Variants in ENTREP2 observed in about 807,000 individuals in gnomAD.
ENTREP2 encodes the protein protein ENTREP2.
At chr15:29,557,381 T>C in the ENTREP2 span, among the ~76,000 whole-genome samples, 6 of 152,156 alleles carry the variant, frequency 3.9e-5, no homozygotes, top group Admixed American at 6.5e-5. Context: ...CTGCTCCACC[T>C]CATTCCCAGG....
chr15:29,370,621 A>G, the ENTREP2 span, among the ~76,000 whole-genome samples: 1 of 152,074 alleles, frequency 6.6e-6, no homozygotes, highest in Admixed American at 6.6e-5. Flanking sequence ...TCCTGGCTGC[A>G]TATTGAAATG....
chr15:29,370,261 T>A, the ENTREP2 span, among the ~76,000 whole-genome samples: 1 of 152,214 alleles, frequency 6.6e-6, no homozygotes, highest in Non-Finnish European at 1.5e-5. Flanking sequence ...CTAGAGTTTG[T>A]CAGTAAAAAG....
At chr15:29,321,376 G>A in the ENTREP2 span, among the ~76,000 whole-genome samples, 22 of 152,228 alleles carry the variant, frequency 1.4e-4, no homozygotes, top group African/African-American at 4.3e-4. Flanking sequence ...GAGGCTGGGC[G>A]CGGTGGCTCA....
chr15:29,546,905 A>C, the ENTREP2 span, among the ~76,000 whole-genome samples: 150 of 48,506 alleles, frequency 3.1e-3, 2 homozygotes, highest in African/African-American at 0.02. Flanking sequence ...AAACAACAAC[A>C]AAAAAAAAAA....
At chr15:29,166,517 T>C in the ENTREP2 span, among the ~76,000 whole-genome samples, 3 of 152,174 alleles carry the variant, frequency 2.0e-5, no homozygotes, top group South Asian at 2.1e-4. Context: ...AGCTCTTCTA[T>C]ACACCAACAG....
At chr15:29,227,657 A>G in the ENTREP2 span, among the ~76,000 whole-genome samples, 1 of 152,132 alleles carries the variant, frequency 6.6e-6, no homozygotes, top group Admixed American at 6.5e-5. Flanking sequence ...CAGGGAGAGA[A>G]GGAGAAGACG....
At chr15:29,220,771 A>T in the ENTREP2 span, among the ~76,000 whole-genome samples, 1 of 152,196 alleles carries the variant, frequency 6.6e-6, no homozygotes, top group African/African-American at 2.4e-5. Flanking sequence ...TTTATTATAT[A>T]AATTATACAA....
chr15:29,649,727 CAAA>C, the ENTREP2 span, among the ~76,000 whole-genome samples: 3 of 66,952 alleles, frequency 4.5e-5, no homozygotes, highest in Non-Finnish European at 6.4e-5. Flanking sequence ...TCAACAACAA[CAAA>C]AAAAAAAAAA....
At chr15:29,274,446 GA>G in the ENTREP2 span, among the ~76,000 whole-genome samples, 52,528 of 151,976 alleles carry the variant, frequency 0.35, 10,712 homozygotes, top group Non-Finnish European at 0.48. Context: ...TGGTGTCCTT[GA>G]AAAAGTAAGG....
the ENTREP2 span, among the ~76,000 whole-genome samples, chr15:29,653,646 G>A: frequency 0.014 from 2,159 of 152,188 alleles, 45 homozygotes; most frequent in African/African-American, 0.049. Flanking sequence ...TTTGCCTTCC[G>A]CCATGACTGT....
the ENTREP2 span, among the ~76,000 whole-genome samples, chr15:29,231,506 G>A: frequency 1.3e-5 from 2 of 152,046 alleles, no homozygotes; most frequent in Admixed American, 1.3e-4. Flanking sequence ...AATATTCAAT[G>A]TAATGCTATG....
At chr15:29,569,985 C>A in the ENTREP2 span, 1 of 152,026 alleles carries the variant, frequency 6.6e-6, no homozygotes, top group African/African-American at 2.4e-5. Context: ...GCCGCCCGGC[C>A]GATCCCCGAT....
At chr15:29,449,883 C>T in the ENTREP2 span, among the ~76,000 whole-genome samples, 6 of 152,164 alleles carry the variant, frequency 3.9e-5, no homozygotes, top group African/African-American at 1.2e-4. Flanking sequence ...TTTAAGCAGT[C>T]CCTTTCCTCT....
chr15:29,657,489 G>C, the ENTREP2 span, among the ~76,000 whole-genome samples: 7 of 132,304 alleles, frequency 5.3e-5, no homozygotes, highest in Admixed American at 7.2e-5. Context: ...GGGGCGGGGG[G>C]GGGGGGTGGC....
At chr15:29,454,645 T>C in the ENTREP2 span, among the ~76,000 whole-genome samples, 1 of 152,154 alleles carries the variant, frequency 6.6e-6, no homozygotes, top group Non-Finnish European at 1.5e-5. Flanking sequence ...CCTCCTATAA[T>C]GGCATTCACA....
chr15:29,132,350 C>T, the ENTREP2 span, among the ~76,000 whole-genome samples: 25 of 152,218 alleles, frequency 1.6e-4, no homozygotes, highest in Admixed American at 1.4e-3. Flanking sequence ...CAGACACGGC[C>T]GTGAATTGAA....
the ENTREP2 span, among the ~76,000 whole-genome samples, chr15:29,422,391 C>G: frequency 6.6e-6 from 1 of 152,210 alleles, no homozygotes; most frequent in Admixed American, 6.5e-5. Flanking sequence ...GCTCTCCTGC[C>G]TCTCCGGGGG....
the ENTREP2 span, among the ~76,000 whole-genome samples, chr15:29,314,571 CTT>C: frequency 6.6e-6 from 1 of 152,148 alleles, no homozygotes; most frequent in Non-Finnish European, 1.5e-5. Context: ...CTGTGGCACA[CTT>C]AATAGGCAAC....
the ENTREP2 span, among the ~76,000 whole-genome samples, chr15:29,523,561 A>ATCTT: frequency 1.4e-4 from 11 of 78,510 alleles, no homozygotes; most frequent in African/African-American, 5.7e-4. Flanking sequence ...TCCCAGCTAG[A>ATCTT]TTTTTTTTTT....
Sources: allele counts gnomAD v4.1 joint callset (sites outside exome capture counted in the v4.1 genomes callset), GRCh38; gene constraint gnomAD v4.1.1; transcripts MANE v1.5; gene names NCBI Gene and HGNC (gene_info 2026-07-23, HGNC 2026-07-21).